CNTNAP4: variants seen among roughly 807,000 people sequenced by gnomAD.
The protein encoded by CNTNAP4 is contactin associated protein family member 4.
CNTNAP4 carries 98 observed loss-of-function variants against 148.4 expected under a neutral mutation model. The observed-to-expected ratio is 0.66, with a 90% CI of 0.56 to 0.78. The LOEUF (loss-of-function observed/expected upper bound fraction) is 0.78, where lower values mean the gene tolerates loss of function less well. Among genes scored for constraint, CNTNAP4 ranks in the 30% least tolerant of loss-of-function variants. The pLI, the probability that CNTNAP4 is intolerant of heterozygous loss-of-function variation, is 0.00. For missense variants in CNTNAP4, 1,935 were observed against 1,565.6 expected (o/e 1.24, Z -3.98); for synonymous variants, 730 against 565.1 (o/e 1.29, Z -4.14).
intron 3 of CNTNAP4, among the ~76,000 whole-genome samples, chr16:76,402,620 T>A (rs1011670070): frequency 5.9e-5 from 9 of 152,170 alleles, no homozygotes; most frequent in Admixed American, 3.3e-4. Context: ...TTACTCTTGC[T>A]TCTCTAATTA....
chr16:76,451,799 A>G (rs952595038), intron 7 of CNTNAP4, among the ~76,000 whole-genome samples: 1 of 152,136 alleles, frequency 6.6e-6, no homozygotes, highest in Non-Finnish European at 1.5e-5. Context: ...GAGGGGCAAT[A>G]AATTCTAGTT....
intron 3 of CNTNAP4, among the ~76,000 whole-genome samples, chr16:76,424,007 C>G (rs372423261): frequency 6.6e-6 from 1 of 152,066 alleles, no homozygotes; most frequent in Non-Finnish European, 1.5e-5. Context: ...TATCCCCAAC[C>G]TCACAATTTT....
chr16:76,431,721 A>C (rs1181051348), intron 4 of CNTNAP4, among the ~76,000 whole-genome samples: 1 of 152,118 alleles, frequency 6.6e-6, no homozygotes, highest in East Asian at 1.9e-4. Context: ...TATTCTTAGG[A>C]TATTGAATCA....
At chr16:76,328,999 T>G (rs1963271241) in intron 2 of CNTNAP4, among the ~76,000 whole-genome samples, 1 of 152,208 alleles carries the variant, frequency 6.6e-6, no homozygotes, top group Non-Finnish European at 1.5e-5. Flanking sequence ...CTCTGTAATA[T>G]TCTTGCAACT....
intron 15 of CNTNAP4, among the ~76,000 whole-genome samples, chr16:76,503,626 C>A (rs2082732251): frequency 6.6e-6 from 1 of 151,900 alleles, no homozygotes; most frequent in Non-Finnish European, 1.5e-5. Flanking sequence ...TGTGCTGCAC[C>A]CATTAACTCG....
intron 3 of CNTNAP4, among the ~76,000 whole-genome samples, chr16:76,415,924 C>T (rs558899350): frequency 0.017 from 1,135 of 65,856 alleles, 5 homozygotes; most frequent in Middle Eastern, 0.09. Context: ...TATAGATATA[C>T]TGTTTGTTTT....
intron 3 of CNTNAP4, among the ~76,000 whole-genome samples, chr16:76,373,860 A>C (rs1597356532): frequency 6.8e-6 from 1 of 146,518 alleles, no homozygotes; most frequent in Middle Eastern, 3.6e-3. Context: ...ACGCCATTGC[A>C]CTCCAGCCTG....
At chr16:76,371,426 C>T (rs569147270) in intron 3 of CNTNAP4, among the ~76,000 whole-genome samples, 1 of 152,252 alleles carries the variant, frequency 6.6e-6, no homozygotes, top group South Asian at 2.1e-4. Flanking sequence ...GCTGGGATTA[C>T]AGGTGCGTGC....
intron 3 of CNTNAP4, among the ~76,000 whole-genome samples, chr16:76,392,669 T>G (rs1221295739): frequency 6.6e-6 from 1 of 152,204 alleles, no homozygotes; most frequent in Non-Finnish European, 1.5e-5. Context: ...GAAATGTGCC[T>G]CAGTCAAACA....
chr16:76,443,649 T>A (rs997312261), intron 4 of CNTNAP4, among the ~76,000 whole-genome samples: 13 of 152,306 alleles, frequency 8.5e-5, no homozygotes, highest in Admixed American at 6.5e-4. Flanking sequence ...ATATTGACTG[T>A]TAATTTAAAT....
chr16:76,354,260 A>G (rs1189384622), intron 2 of CNTNAP4, among the ~76,000 whole-genome samples: 7 of 152,258 alleles, frequency 4.6e-5, no homozygotes, highest in Non-Finnish European at 7.3e-5. Context: ...TCTTAAAATA[A>G]TTCCCCAAAT....
intron 1 of CNTNAP4, among the ~76,000 whole-genome samples, chr16:76,310,354 A>T (rs1960968262): frequency 6.6e-6 from 1 of 152,172 alleles, no homozygotes; most frequent in African/African-American, 2.4e-5. Context: ...TTTTTGATAT[A>T]TGCAAACATA....
chr16:76,436,465 G>A (rs1412566054), intron 4 of CNTNAP4, among the ~76,000 whole-genome samples: 1 of 136,256 alleles, frequency 7.3e-6, no homozygotes, highest in African/African-American at 3.0e-5. Flanking sequence ...AAGAGCTCAT[G>A]TCTGATTTTC....
chr16:76,357,359 A>G (rs2012817078), intron 3 of CNTNAP4, among the ~76,000 whole-genome samples: 1 of 152,186 alleles, frequency 6.6e-6, no homozygotes, highest in African/African-American at 2.4e-5. Flanking sequence ...TACTTCTGTT[A>G]AGCAAGCTTG....
chr16:76,463,745 C>A (rs2081072828), intron 9 of CNTNAP4, among the ~76,000 whole-genome samples: 1 of 152,196 alleles, frequency 6.6e-6, no homozygotes, highest in Non-Finnish European at 1.5e-5. Flanking sequence ...CAATGCATGT[C>A]TGTCCCTTGT....
At chr16:76,338,366 CTGT>C (rs748838064) in intron 2 of CNTNAP4, among the ~76,000 whole-genome samples, 2 of 152,152 alleles carry the variant, frequency 1.3e-5, no homozygotes, top group African/African-American at 4.8e-5. Context: ...AACTGCCCTC[CTGT>C]TGCCCCCTCT....
At chr16:76,544,940 G>C (rs1160497513) in intron 21 of CNTNAP4, among the ~76,000 whole-genome samples, 1 of 152,212 alleles carries the variant, frequency 6.6e-6, no homozygotes, top group Non-Finnish European at 1.5e-5. Flanking sequence ...TGAGCTATAA[G>C]AGAAATCTCC....
At chr16:76,521,458 C>G in intron 16 of CNTNAP4, 148 bp downstream of exon 16, 1 of 574,374 alleles carries the variant, frequency 1.7e-6, no homozygotes, top group South Asian at 4.1e-5. Flanking sequence ...TTAACTTATC[C>G]TGTTTGTAAG....
chr16:76,399,530 T>C (rs10871322), intron 3 of CNTNAP4, among the ~76,000 whole-genome samples: 73,507 of 151,974 alleles, frequency 0.48, 18,219 homozygotes, highest in African/African-American at 0.58. Flanking sequence ...TTATGAGATT[T>C]TTGGAACCCA....
Sources: gnomAD v4.1 joint callset for allele counts (sites outside exome capture counted in the v4.1 genomes callset) on GRCh38, gnomAD v4.1.1 for gene constraint, MANE v1.5 for transcripts, NCBI Gene and HGNC (gene_info 2026-07-23, HGNC 2026-07-21) for gene names.